The following CAMK1G variants were observed in gnomAD, a reference collection of about 807,000 sequenced individuals.
The protein encoded by CAMK1G is calcium/calmodulin dependent protein kinase IG.
CAMK1G carries 27 observed loss-of-function variants against 54.8 expected under a neutral mutation model. The observed-to-expected ratio is 0.49, with a 90% confidence interval of 0.36 to 0.68. CAMK1G has a LOEUF of 0.68. Ranked by LOEUF, CAMK1G falls within the 30% of genes least tolerant of loss-of-function variation. The pLI is 0.00. For missense variants in CAMK1G, 512 were observed against 591.0 expected (o/e 0.87, Z 1.39); for synonymous variants, 238 against 224.9 (o/e 1.06, Z -0.52).
At chr1:209,589,392 T>G (rs1053620183) in intron 1 of CAMK1G, among the ~76,000 whole-genome samples, 3 of 152,232 alleles carry the variant, frequency 2.0e-5, no homozygotes, top group Non-Finnish European at 2.9e-5. Context: ...CCTCTCCTGC[T>G]GCTGTGCCAT....
intron 2 of CAMK1G, among the ~76,000 whole-genome samples, chr1:209,597,665 C>T (rs1328634757): frequency 6.6e-6 from 1 of 152,200 alleles, no homozygotes; most frequent in Non-Finnish European, 1.5e-5. Context: ...CTTTGATTAA[C>T]TCAGTTCCAA....
chr1:209,608,847 G>T, intron 7 of CAMK1G, 133 bp from the exon 8 acceptor site: 1 of 1,284,434 alleles, frequency 7.8e-7, no homozygotes. Flanking sequence ...GCAGATCTGC[G>T]TCCTGGTCAC....
At chr1:209,600,509 C>A (rs1273151861) in intron 3 of CAMK1G, among the ~76,000 whole-genome samples, 3 of 152,176 alleles carry the variant, frequency 2.0e-5, no homozygotes, top group Admixed American at 6.5e-5. Flanking sequence ...TTGATGAAGG[C>A]AACACTACAA....
Position 209,590,330 on chromosome 1 carries a change from T to C in CAMK1G, c.-29-4625T>C, listed in dbSNP as rs1233648280. On this transcript the variant is annotated intron_variant, in intron 1 of 12. Transcript: ENST00000361322. ...CTCCACCACACAGGGCATGGGAGTC[T>C]TGAGGCGATCACTCTGGTTACAGAG... Among the ~76,000 whole-genome samples the C allele has an allele frequency of 4.6e-5, 7 of 152,124 alleles. No individual in the cohort carries two copies. The East Asian group carries it at 9.6e-4, about 21-fold the overall frequency.
Position 209,613,268 on chromosome 1 carries a change from C to A in CAMK1G, c.*266C>A, listed in dbSNP as rs934835602. 2 of 229,292 alleles carry A rather than the reference C, an allele frequency of 8.7e-6. No homozygotes were observed. The highest frequency in any genetic ancestry group is 4.4e-5 in the African/African-American group (2 of 45,142). The allele number at this position is 229,292 out of a possible 1,614,324, so 14.2% of individuals were successfully genotyped here. A position where few individuals can be genotyped will look rare whatever the true frequency, so the allele number is the denominator to read the frequency against. On this transcript the variant is annotated 3_prime_UTR_variant, in exon 13 of 13. Transcript: ENST00000361322. ...GGTGCCCACCAGCTTCCAGGTCTCCCTGACCTGCCTGCTCTATGCCCCACA... is the reference window on the plus strand; with the variant it reads ...GGTGCCCACCAGCTTCCAGGTCTCCATGACCTGCCTGCTCTATGCCCCACA...
chr1:209,604,848 CA>C (rs3215486), intron 4 of CAMK1G, among the ~76,000 whole-genome samples: 20,979 of 152,196 alleles, frequency 0.14, 1,513 homozygotes, highest in Middle Eastern at 0.17. Flanking sequence ...TGTGCAGAAA[CA>C]TTAGGAATAT....
intron 8 of CAMK1G, 137 bp from the exon 9 acceptor site, chr1:209,609,714 C>T (rs927542497): frequency 1.3e-5 from 11 of 820,874 alleles, no homozygotes; most frequent in Admixed American, 6.5e-5. Flanking sequence ...TTTTTTTCCT[C>T]TTCTAAGACT....
At position 209,612,918 on chromosome 1, in the gene CAMK1G, G is replaced by A. The variant is rs1665818927; in HGVS notation, c.*37+6G>A. ...TATGTCACTGCAATTTTCAGGTTAG[G>A]AGGGTCACAGTGTGAGGCTTGGGGA... On this transcript the variant is annotated splice_donor_region_variant and intron_variant, in intron 12 of 12. Coordinates refer to ENST00000361322, the MANE Select transcript of CAMK1G (RefSeq NM_020439.3). The A allele has an allele frequency of 2.2e-6, 3 of 1,354,066 alleles. No homozygotes were observed. The highest frequency in any genetic ancestry group is 2.3e-5 in the South Asian group (2 of 85,984). 83.9% of individuals were successfully genotyped at this position (1,354,066 alleles called of 1,614,324 possible).
Position 209,600,111 on chromosome 1 carries a change from A to C in CAMK1G, c.221A>C (p.Lys74Thr). ...GAGAATGAGATTGCTGTGTTGAAAA[A>C]GTGAGTGGGTCTTAGTGTTGACTGG... ...SLENEIAVLKKIKHENIVTLE... is the reference protein window; with the variant it reads ...SLENEIAVLKTIKHENIVTLE... The change falls in exon 3 of 13, where the codon AAG becomes ACG. Residue 74 changes from lysine to threonine, a missense_variant and splice_region_variant. By Grantham distance (78) the Lys-to-Thr change is moderately conservative. Transcript: ENST00000361322. The C allele has an allele frequency of 6.2e-7, 1 of 1,613,244 alleles. No individual in the cohort carries two copies. Among genetic ancestry groups the C allele is most frequent in the Non-Finnish European group, 8.5e-7 (1 of 1,179,656 alleles).
intron 1 of CAMK1G, among the ~76,000 whole-genome samples, chr1:209,589,179 G>A (rs1253618328): frequency 1.3e-5 from 2 of 152,184 alleles, no homozygotes; most frequent in Non-Finnish European, 2.9e-5. Flanking sequence ...CAGAAGAAAG[G>A]ACTGGCTCAC....
At chr1:209,594,379 T>A (rs1281290561) in intron 1 of CAMK1G, among the ~76,000 whole-genome samples, 1 of 152,242 alleles carries the variant, frequency 6.6e-6, no homozygotes, top group Non-Finnish European at 1.5e-5. Flanking sequence ...TGAATAAATA[T>A]GGTAACTCCA....
rs764833638 is a variant in CAMK1G at position 209,600,074 on chromosome 1, G to A, written c.184G>A (p.Asp62Asn). 1 of 1,613,860 alleles carries A rather than the reference G, an allele frequency of 6.2e-7. No individual in the cohort carries two copies. The highest frequency in any genetic ancestry group is 8.5e-7 in the Non-Finnish European group (1 of 1,179,892). The change falls in exon 3 of 13, where the codon GAC (aspartate) becomes AAC (asparagine). Residue 62 changes from aspartate (D) to asparagine (N), a missense_variant. Coordinates refer to ENST00000361322, the MANE Select transcript of CAMK1G (RefSeq NM_020439.3). ...CATCAAGAAGTCACCTGCCTTCCGG[G>A]ACAGCAGCCTGGAGAATGAGATTGC... Reference protein sequence around the residue: ...KCIKKSPAFRDSSLENEIAVL... With the variant: ...KCIKKSPAFRNSSLENEIAVL...
In CAMK1G at chr1:209,594,960, T is replaced by C; in HGVS notation, c.-24T>C. 3 of 1,606,356 alleles carry C rather than the reference T, an allele frequency of 1.9e-6. No homozygotes were observed. Among genetic ancestry groups the C allele is most frequent in the South Asian group, 1.1e-5 (1 of 90,530 alleles). On this transcript the variant is annotated 5_prime_UTR_variant, in exon 2 of 13. Coordinates refer to ENST00000361322, the MANE Select transcript of CAMK1G (RefSeq NM_020439.3). ...TCCCACTCCCTGCAATAAAGCATCC[T>C]CAGAAGCTTCAACTCTGGAGGCAAT...
intron 2 of CAMK1G, among the ~76,000 whole-genome samples, chr1:209,598,566 C>A (rs1469780463): frequency 1.3e-5 from 2 of 152,176 alleles, no homozygotes; most frequent in Non-Finnish European, 2.9e-5. Flanking sequence ...ACTATAGAAC[C>A]AGGAAATAAC....
chr1:209,591,974 A>G (rs1665264754), intron 1 of CAMK1G, among the ~76,000 whole-genome samples: 1 of 152,152 alleles, frequency 6.6e-6, no homozygotes. Context: ...TAAATGTTTA[A>G]TGACAGGTCT....
intron 1 of CAMK1G, among the ~76,000 whole-genome samples, chr1:209,591,670 A>G (rs1198836974): frequency 6.6e-6 from 1 of 152,104 alleles, no homozygotes; most frequent in African/African-American, 2.4e-5. Context: ...TAAGGTATTT[A>G]CTAAACCTTG....
intron 1 of CAMK1G, among the ~76,000 whole-genome samples, chr1:209,593,019 A>G (rs1025671865): frequency 3.9e-5 from 6 of 152,332 alleles, no homozygotes; most frequent in Admixed American, 3.3e-4. Context: ...AAAAGAAACA[A>G]CTGTTTATCA....
chr1:209,593,742 T>A (rs1391971664), intron 1 of CAMK1G, among the ~76,000 whole-genome samples: 1 of 96,374 alleles, frequency 1.0e-5, no homozygotes, highest in Non-Finnish European at 2.8e-5. Context: ...CGAGCCACCA[T>A]CATCTCTCTC....
At position 209,612,119 on chromosome 1, in the gene CAMK1G, C is replaced by A; in HGVS notation, c.1243C>A (p.Pro415Thr). 6.2e-7 allele frequency: 1 copy of A among 1,614,176 alleles called. No homozygotes were observed. ...GCATCAGGGGTCCCTGGCCGCCGGG[C>A]CCTGTGGCTGCTGCTCCAGCTGCCT... ...PMHQGSLAAG[P>T]CGCCSSCLNI... The change falls in exon 11 of 13, where the codon CCC becomes ACC. Residue 415 changes from proline to threonine, a missense_variant. This residue lies in a region of CAMK1G where 315 missense variants were observed against 330.5 expected (regional missense o/e 0.95). Coordinates refer to ENST00000361322, the MANE Select transcript of CAMK1G (RefSeq NM_020439.3).
Sources: gnomAD v4.1 joint callset for allele counts (sites outside exome capture counted in the v4.1 genomes callset) on GRCh38, gnomAD v4.1.1 for gene constraint, gnomAD v4.1.1 regional missense constraint, MANE v1.5 for transcripts, NCBI Gene and HGNC (gene_info 2026-07-23, HGNC 2026-07-21) for gene names.